Variants in ANKS3 observed in about 807,000 individuals in gnomAD.
The protein encoded by ANKS3 is ankyrin repeat and SAM domain-containing protein 3.
ANKS3 carries 62 observed loss-of-function variants against 80.7 expected under a neutral mutation model. The observed-to-expected ratio is 0.77, with a 90% CI of 0.63 to 0.95. ANKS3 has a LOEUF of 0.95. Ranked by LOEUF, ANKS3 falls within the 40% of genes least tolerant of loss-of-function variation. The pLI is 0.00. For synonymous variants in ANKS3, 489 were observed against 355.3 expected (o/e 1.38, Z -4.23); for missense variants, 1,150 against 883.6 (o/e 1.30, Z -3.82).
Position 4,705,112 on chromosome 16 carries a change from GC to G in ANKS3, c.850del (p.Ala284ProfsTer108). ...RITGIGLGGR[A>X]PRPRYEQAPP... is the part of the protein sequence containing the mutation. ...CCACTCACCATAGCGAGGCCGTGGG[GC>G]TCTGCCGCCCAGGCCAATGCCTGTG... On this transcript the variant is annotated frameshift_variant, in exon 8 of 18. Transcript: ENST00000304283. LOFTEE classifies it high-confidence loss of function. 6.2e-7 allele frequency: 1 copy of G among 1,612,716 alleles called. No homozygotes were observed. The highest frequency in any genetic ancestry group is 8.5e-7 in the Non-Finnish European group (1 of 1,180,018).
chr16:4,723,117 A>G (rs2081185676), intron 6 of ANKS3, among the ~76,000 whole-genome samples: 2 of 152,158 alleles, frequency 1.3e-5, no homozygotes, highest in Non-Finnish European at 2.9e-5. Flanking sequence ...GTGGGAATTC[A>G]TCAGGACCGC....
chr16:4,708,722 G>A (rs1422008744), intron 7 of ANKS3, among the ~76,000 whole-genome samples: 1 of 151,934 alleles, frequency 6.6e-6, no homozygotes, highest in African/African-American at 2.4e-5. Flanking sequence ...ATCACGAGGT[G>A]AGGAGATCGA....
intron 7 of ANKS3, among the ~76,000 whole-genome samples, chr16:4,711,191 C>T (rs1012307834): frequency 6.7e-5 from 10 of 148,454 alleles, no homozygotes; most frequent in Admixed American, 3.4e-4. Context: ...TCAACCTCTG[C>T]CTCCCGGGTT....
chr16:4,705,756 A>T (rs1205065203), intron 7 of ANKS3, among the ~76,000 whole-genome samples: 1 of 151,896 alleles, frequency 6.6e-6, no homozygotes, highest in Non-Finnish European at 1.5e-5. Context: ...CACCATGCCC[A>T]GCCAGGAGTT....
rs543656533 is a variant in ANKS3 at position 4,715,215 on chromosome 16, T to C, written c.574-1029A>G. 2.0e-5 allele frequency among the ~76,000 whole-genome samples: 3 copies of C among 151,782 alleles called. No individual in the cohort carries two copies. In the South Asian group the frequency reaches 6.3e-4, roughly 32 times the overall value. On this transcript the variant is annotated intron_variant, in intron 6 of 17. Coordinates refer to ENST00000304283, the MANE Select transcript of ANKS3 (RefSeq NM_133450.4). ...CCAGCATTTGACAGGCCAAGGCAGG[T>C]GGATCGCTCGGCTCAGGAGTTGGAC...
intron 6 of ANKS3, among the ~76,000 whole-genome samples, chr16:4,724,543 G>C (rs1458691141): frequency 6.6e-6 from 1 of 152,072 alleles, no homozygotes; most frequent in African/African-American, 2.4e-5. Flanking sequence ...ATTATTACAG[G>C]AATAGGTGTC....
At chr16:4,723,961 G>A (rs1225003131) in intron 6 of ANKS3, among the ~76,000 whole-genome samples, 2 of 152,124 alleles carry the variant, frequency 1.3e-5, no homozygotes, top group African/African-American at 4.8e-5. Context: ...CTTGGGGGCT[G>A]AGGCAGGAGG....
At chr16:4,717,693 T>C (rs1375159730) in intron 6 of ANKS3, 1 of 152,240 alleles carries the variant, frequency 6.6e-6, no homozygotes, top group Non-Finnish European at 1.5e-5. Context: ...AGAATCTCAC[T>C]CTGTGGCCCA....
chr16:4,705,872 A>G (rs1029982217), intron 7 of ANKS3, among the ~76,000 whole-genome samples: 3 of 152,140 alleles, frequency 2.0e-5, no homozygotes, highest in Non-Finnish European at 4.4e-5. Context: ...TCATTAAAAT[A>G]TATGGTAATA....
chr16:4,706,515 G>A (rs1424298712), intron 7 of ANKS3, among the ~76,000 whole-genome samples: 2 of 152,234 alleles, frequency 1.3e-5, no homozygotes, highest in Non-Finnish European at 2.9e-5. Flanking sequence ...GGCATCACAG[G>A]AGTGAGCCAC....
chr16:4,723,617 C>T (rs1205824239), intron 6 of ANKS3, among the ~76,000 whole-genome samples: 2 of 152,172 alleles, frequency 1.3e-5, no homozygotes, highest in Non-Finnish European at 2.9e-5. Context: ...TCACCCCTGC[C>T]GCAGCATGCA....
intron 8 of ANKS3, 33 bp downstream of exon 8, chr16:4,705,062 A>T: frequency 6.2e-7 from 1 of 1,605,142 alleles, no homozygotes; most frequent in Admixed American, 1.7e-5. Flanking sequence ...GTATGCAATG[A>T]GAAAGAGCCC....
chr16:4,710,387 T>C (rs1256508787), intron 7 of ANKS3, among the ~76,000 whole-genome samples: 1 of 152,222 alleles, frequency 6.6e-6, no homozygotes, highest in African/African-American at 2.4e-5. Flanking sequence ...AAATATGTAG[T>C]TATTTTGTGT....
chr16:4,698,121 C>CA, intron 14 of ANKS3, 59 bp from the exon 15 acceptor site: 1 of 1,512,010 alleles, frequency 6.6e-7, no homozygotes, highest in African/African-American at 1.4e-5. Flanking sequence ...GCAGAGCCCC[C>CA]ACCTCAGACC....
At chr16:4,711,446 C>CG (rs1474550429) in intron 7 of ANKS3, among the ~76,000 whole-genome samples, 6 of 151,420 alleles carry the variant, frequency 4.0e-5, no homozygotes, top group Non-Finnish European at 8.8e-5. Flanking sequence ...TGGCCGGGTG[C>CG]GGTGGCTCAC....
At chr16:4,713,990 G>T in intron 7 of ANKS3, 61 bp downstream of exon 7, 1 of 1,582,394 alleles carries the variant, frequency 6.3e-7, no homozygotes, top group Non-Finnish European at 8.6e-7. Context: ...TCTCTGCCAG[G>T]TCACCTAAAG....
At position 4,701,514 on chromosome 16, in the gene ANKS3, G is replaced by A. The variant is rs772094907; in HGVS notation, c.1039C>T (p.Pro347Ser). ...EEHAFCANLGPVQSSSSSEGL... is the reference protein window; with the variant it reads ...EEHAFCANLGSVQSSSSSEGL... ...TCGCTGCTGCTGCTGCTCTGGACGG[G>A]CCCCAGGTTGGCACAGAAAGCATGT... The change falls in exon 10 of 18, where the codon CCC becomes TCC. Residue 347 changes from proline to serine, a missense_variant. Pro to Ser is a moderately conservative substitution (Grantham distance 74). Transcript: ENST00000304283. 8.1e-5 allele frequency: 131 copies of A among 1,611,398 alleles called. 2 individuals are homozygous for A. In the South Asian group the frequency reaches 1.4e-3, roughly 18 times the overall value.
Position 4,719,204 on chromosome 16 carries a change from C to G in ANKS3, c.574-5018G>C, listed in dbSNP as rs543338695. Among the ~76,000 whole-genome samples the G allele has an allele frequency of 2.0e-5, 3 of 152,190 alleles. No homozygotes were observed. The East Asian group carries it at 5.8e-4, about 30-fold the overall frequency. Reference sequence around the variant, plus strand: ...TCAAATCAGCTAGTGTGATAGCATGCGCTTGTGGTCTCAGCTACTCAGGAG... The same window carrying G: ...TCAAATCAGCTAGTGTGATAGCATGGGCTTGTGGTCTCAGCTACTCAGGAG... On this transcript the variant is annotated intron_variant, in intron 6 of 17. Coordinates refer to ENST00000304283, the MANE Select transcript of ANKS3 (RefSeq NM_133450.4).
intron 3 of ANKS3, 199 bp downstream of exon 3, chr16:4,729,781 C>G (rs149221541): frequency 2.0e-5 from 9 of 459,050 alleles, no homozygotes; most frequent in East Asian, 3.4e-5. Flanking sequence ...TTTACTCCCT[C>G]TTTTTCTTCC....
Sources: gnomAD v4.1 joint callset for allele counts (sites outside exome capture counted in the v4.1 genomes callset) on GRCh38, gnomAD v4.1.1 for gene constraint, MANE v1.5 for transcripts, NCBI Gene and HGNC (gene_info 2026-07-23, HGNC 2026-07-21) for gene names.